Variants in DYM observed in about 807,000 individuals in gnomAD.
DYM encodes dyggve-Melchior-Clausen syndrome protein.
DYM carries 78 observed loss-of-function variants against 93.1 expected under a neutral mutation model. The ratio of observed to expected loss-of-function variants is 0.84; its 90% CI spans 0.70 to 1.01. The LOEUF is 1.01. DYM is among the 50% of genes least tolerant of loss of function. The pLI, the probability that DYM is intolerant of heterozygous loss-of-function variation, is 0.00. For missense variants in DYM, 789 were observed against 845.0 expected, an observed-to-expected ratio of 0.93 and a Z score of 0.82; for synonymous variants, 321 against 319.7, an observed-to-expected ratio of 1.00 and a Z score of -0.04.
At chr18:49,241,667 C>A (rs1490096520) in intron 13 of DYM, among the ~76,000 whole-genome samples, 1 of 152,068 alleles carries the variant, frequency 6.6e-6, no homozygotes, top group Non-Finnish European at 1.5e-5. Flanking sequence ...TTACATAATG[C>A]AATTCTGATA....
chr18:49,448,992 C>T (rs1336646062), intron 1 of DYM, among the ~76,000 whole-genome samples: 1 of 152,196 alleles, frequency 6.6e-6, no homozygotes, highest in East Asian at 1.9e-4. Flanking sequence ...CCCAGCCCTT[C>T]AAGTCCCCCT....
chr18:49,402,302 A>G (rs1481418759), intron 2 of DYM, among the ~76,000 whole-genome samples: 2 of 152,220 alleles, frequency 1.3e-5, no homozygotes, highest in Non-Finnish European at 2.9e-5. Context: ...ATGGGGAGTC[A>G]TTAAGCACAA....
intron 15 of DYM, among the ~76,000 whole-genome samples, chr18:49,132,075 A>G (rs1040569038): frequency 1.3e-5 from 2 of 152,256 alleles, no homozygotes; most frequent in Non-Finnish European, 2.9e-5. Flanking sequence ...TATGCTGTGC[A>G]TTAGATTATA....
At chr18:49,083,825 A>T (rs1377059868) in intron 17 of DYM, among the ~76,000 whole-genome samples, 1 of 152,088 alleles carries the variant, frequency 6.6e-6, no homozygotes, top group Admixed American at 6.5e-5. Context: ...TTTAATTTCT[A>T]CAGGGTCAAT....
intron 2 of DYM, among the ~76,000 whole-genome samples, chr18:49,395,112 A>G (rs920055827): frequency 1.3e-5 from 2 of 152,216 alleles, no homozygotes; most frequent in Non-Finnish European, 2.9e-5. Context: ...TCAAAAGCAC[A>G]GAGAACAAAA....
At chr18:49,163,848 T>TG in intron 14 of DYM, 61 bp from the exon 15 acceptor site, 1 of 1,065,150 alleles carries the variant, frequency 9.4e-7, no homozygotes, top group African/African-American at 1.6e-5. Flanking sequence ...CTGTCTTCTG[T>TG]GGAAATATAT....
intron 15 of DYM, among the ~76,000 whole-genome samples, chr18:49,157,035 T>C (rs2086539358): frequency 6.6e-6 from 1 of 151,888 alleles, no homozygotes; most frequent in South Asian, 2.1e-4. Context: ...TCACTCTGGT[T>C]TGGCTTATTT....
intron 15 of DYM, among the ~76,000 whole-genome samples, chr18:49,128,631 C>G (rs1359295453): frequency 6.6e-6 from 1 of 151,920 alleles, no homozygotes; most frequent in Non-Finnish European, 1.5e-5. Flanking sequence ...TTTTTAAAAC[C>G]CCTTCCTAGT....
At chr18:49,146,140 G>A (rs2085109447) in intron 15 of DYM, among the ~76,000 whole-genome samples, 1 of 152,106 alleles carries the variant, frequency 6.6e-6, no homozygotes, top group Admixed American at 6.6e-5. Flanking sequence ...TCAAGGAAAT[G>A]ATGAAATGAG....
chr18:49,150,635 A>G lies in DYM; in HGVS notation c.1728+13050T>C, dbSNP rs56887192. On this transcript the variant is annotated intron_variant, in intron 15 of 17. Transcript: ENST00000675505. The stretch of plus-strand genomic sequence containing the variant: ...CACCCAGTCTACATTTTGTTACGGC[A>G]TCTTGAGCTGACTAACACAGGCTTA... Among the ~76,000 whole-genome samples, 88 of 152,342 alleles carry G rather than the reference A, an allele frequency of 5.8e-4. 1 individual carries two copies. The East Asian group carries it at 0.016, about 28-fold the overall frequency.
At chr18:49,049,881 C>A (rs2072162518) in intron 17 of DYM, 1 of 154,142 alleles carries the variant, frequency 6.5e-6, no homozygotes, top group African/African-American at 2.4e-5. Context: ...AAACCAGACA[C>A]AAGTGCTGAC....
intron 2 of DYM, among the ~76,000 whole-genome samples, chr18:49,415,177 G>A (rs1249894093): frequency 6.6e-6 from 1 of 151,470 alleles, no homozygotes; most frequent in African/African-American, 2.4e-5. Flanking sequence ...ACAAAAATTA[G>A]CCGAGCATGG....
chr18:49,117,139 G>A (rs1216793569), intron 16 of DYM, among the ~76,000 whole-genome samples: 1 of 152,120 alleles, frequency 6.6e-6, no homozygotes, highest in Admixed American at 6.5e-5. Flanking sequence ...TGCACTGATG[G>A]CAACTATACC....
intron 17 of DYM, among the ~76,000 whole-genome samples, chr18:49,047,770 C>G (rs943135463): frequency 1.3e-5 from 2 of 152,180 alleles, no homozygotes; most frequent in Non-Finnish European, 2.9e-5. Flanking sequence ...GTCATGGAAT[C>G]AGGTGTCTAA....
chr18:49,238,453 T>C (rs4939574), intron 13 of DYM, among the ~76,000 whole-genome samples: 91,799 of 151,130 alleles, frequency 0.61, 30,294 homozygotes, highest in Non-Finnish European at 0.74. Context: ...TATAATAGTA[T>C]ATAATAATAT....
At chr18:49,105,540 C>A (rs2080704350) in intron 16 of DYM, among the ~76,000 whole-genome samples, 1 of 152,186 alleles carries the variant, frequency 6.6e-6, no homozygotes, top group Non-Finnish European at 1.5e-5. Context: ...CTCTTGTGGG[C>A]ATTTAGTGCC....
intron 16 of DYM, among the ~76,000 whole-genome samples, chr18:49,100,671 G>A (rs9284426): frequency 0.12 from 17,712 of 152,180 alleles, 1,285 homozygotes; most frequent in African/African-American, 0.2. Context: ...TGTCAAAACC[G>A]AAGGAAACAA....
At chr18:49,158,444 C>A (rs1365393484) in intron 15 of DYM, among the ~76,000 whole-genome samples, 1 of 152,168 alleles carries the variant, frequency 6.6e-6, no homozygotes, top group Non-Finnish European at 1.5e-5. Flanking sequence ...AAAGTGACAA[C>A]ATGTGAAAGG....
At chr18:49,234,064 G>C (rs2093787042) in intron 13 of DYM, among the ~76,000 whole-genome samples, 1 of 152,102 alleles carries the variant, frequency 6.6e-6, no homozygotes, top group Non-Finnish European at 1.5e-5. Context: ...GGGAGGCGGA[G>C]CTTGCAGTGA....
Sources: gnomAD v4.1 joint callset for allele counts (sites outside exome capture counted in the v4.1 genomes callset) on GRCh38, gnomAD v4.1.1 for gene constraint, MANE v1.5 for transcripts, NCBI Gene and HGNC (gene_info 2026-07-23, HGNC 2026-07-21) for gene names.